Variants in MAP1B observed in about 807,000 individuals in gnomAD.
MAP1B encodes microtubule associated protein 1B, also known as microtubule-associated protein 1B.
Under a neutral mutation model 176.1 loss-of-function variants are expected in MAP1B, and 12 were observed. The ratio of observed to expected loss-of-function variants is 0.07; its 90% CI spans 0.04 to 0.11. MAP1B has a LOEUF of 0.11. Ranked by LOEUF, MAP1B falls within the 10% of genes least tolerant of loss-of-function variation. MAP1B has a pLI of 1.00. For synonymous variants in MAP1B, 1,044 were observed against 1,135.0 expected (o/e 0.92, Z 1.61); for missense variants, 2,523 against 2,990.5 (o/e 0.84, Z 3.65).
At chr5:72,160,172 C>G (rs575800661) in intron 2 of MAP1B, among the ~76,000 whole-genome samples, 8 of 147,776 alleles carry the variant, frequency 5.4e-5, no homozygotes, top group African/African-American at 2.0e-4. Flanking sequence ...TATTATGGAT[C>G]AGGGACCGAG....
At chr5:72,152,858 C>T (rs188833538) in intron 2 of MAP1B, among the ~76,000 whole-genome samples, 56 of 152,294 alleles carry the variant, frequency 3.7e-4, no homozygotes, top group African/African-American at 1.3e-3. Flanking sequence ...CATACAGTGG[C>T]TGCAGCGTGG....
intron 2 of MAP1B, among the ~76,000 whole-genome samples, chr5:72,176,314 G>A (rs547425384): frequency 2.0e-5 from 3 of 152,200 alleles, no homozygotes; most frequent in African/African-American, 7.2e-5. Flanking sequence ...TGGCATCACA[G>A]CTTGAAAATC....
intron 1 of MAP1B, among the ~76,000 whole-genome samples, chr5:72,108,343 CCAGA>C (rs924635985): frequency 6.6e-5 from 10 of 152,246 alleles, no homozygotes; most frequent in African/African-American, 1.9e-4. Context: ...CGCTTCGCCA[CCAGA>C]CAGAGCCCGC....
At chr5:72,147,125 C>T (rs1012376963) in intron 2 of MAP1B, among the ~76,000 whole-genome samples, 37 of 151,942 alleles carry the variant, frequency 2.4e-4, no homozygotes, top group African/African-American at 8.7e-4. Flanking sequence ...TGCGCCACCA[C>T]GACTGGCTAA....
At chr5:72,191,450 C>T (rs901022602) in intron 4 of MAP1B, among the ~76,000 whole-genome samples, 4 of 152,232 alleles carry the variant, frequency 2.6e-5, no homozygotes, top group Non-Finnish European at 5.9e-5. Flanking sequence ...TCTTAAGACC[C>T]TGTCTTTGCC....
intron 2 of MAP1B, among the ~76,000 whole-genome samples, chr5:72,162,329 C>T (rs1205172940): frequency 6.6e-6 from 1 of 151,984 alleles, no homozygotes; most frequent in Non-Finnish European, 1.5e-5. Flanking sequence ...CTTTTCATTC[C>T]CTCTGAGATA....
chr5:72,187,176 GTGTTTGAACTTGGGC>G (rs1282271986), intron 4 of MAP1B, among the ~76,000 whole-genome samples: 1 of 152,194 alleles, frequency 6.6e-6, no homozygotes, highest in Admixed American at 6.5e-5. Flanking sequence ...CCTGGCCCCA[GTGTTTGAACTTGGGC>G]TGTTTGAACA....
rs1373171978 is a variant in MAP1B at position 72,174,111 on chromosome 5, C to G, written c.287-9632C>G. On this transcript the variant is annotated intron_variant, in intron 2 of 6. Coordinates refer to ENST00000296755, the MANE Select transcript of MAP1B (RefSeq NM_005909.5). ...TACCACTGCACTCCAGCCTGGGTGA[C>G]AGAGCGAGAAACCTCGTCTCAAAAT... Among the ~76,000 whole-genome samples the G allele has an allele frequency of 2.6e-5, 4 of 152,314 alleles. No homozygotes were observed. In the East Asian group the frequency reaches 7.7e-4, roughly 29 times the overall value.
At chr5:72,145,588 T>A (rs1238717942) in intron 2 of MAP1B, among the ~76,000 whole-genome samples, 1 of 152,182 alleles carries the variant, frequency 6.6e-6, no homozygotes, top group Non-Finnish European at 1.5e-5. Context: ...ATCAGCAAGA[T>A]TTTGAAGGGG....
At position 72,195,769 on chromosome 5, in the gene MAP1B, C is replaced by T. The variant is rs747629556; in HGVS notation, c.2414C>T (p.Thr805Ile). 7 of 1,614,260 alleles carry T rather than the reference C, an allele frequency of 4.3e-6. No homozygotes were observed. Among genetic ancestry groups the T allele is most frequent in the Non-Finnish European group, 5.9e-6 (7 of 1,180,048 alleles). ...VAAAVGTGATTAAVMAAAGIA... is the reference protein window; with the variant it reads ...VAAAVGTGATIAAVMAAAGIA... Reference sequence around the variant, plus strand: ...GCAGCTGTCGGCACTGGAGCCACCACAGCAGCTGTCATGGCGGCAGCTGGA... The same window carrying T: ...GCAGCTGTCGGCACTGGAGCCACCATAGCAGCTGTCATGGCGGCAGCTGGA... Residue 805 changes from threonine (T) to isoleucine (I), a missense_variant, in exon 5 of 7, where the codon ACA (threonine) becomes ATA (isoleucine). Coordinates refer to ENST00000296755, the MANE Select transcript of MAP1B (RefSeq NM_005909.5).
chr5:72,163,620 G>A (rs1229287139), intron 2 of MAP1B, among the ~76,000 whole-genome samples: 2 of 152,178 alleles, frequency 1.3e-5, no homozygotes, highest in Non-Finnish European at 2.9e-5. Context: ...GATAAAGTAT[G>A]GATATAGGAA....
At chr5:72,151,272 C>A (rs901576419) in intron 2 of MAP1B, among the ~76,000 whole-genome samples, 1 of 152,168 alleles carries the variant, frequency 6.6e-6, no homozygotes, top group Non-Finnish European at 1.5e-5. Flanking sequence ...AAACTCACTT[C>A]ATGAGAACAG....
chr5:72,147,169 G>A (rs1043663531), intron 2 of MAP1B, among the ~76,000 whole-genome samples: 18 of 151,906 alleles, frequency 1.2e-4, no homozygotes, highest in African/African-American at 2.2e-4. Context: ...AGGTTTCACC[G>A]TGTTGGCTAG....
At chr5:72,154,503 C>T (rs918220406) in intron 2 of MAP1B, among the ~76,000 whole-genome samples, 1 of 152,184 alleles carries the variant, frequency 6.6e-6, no homozygotes, top group Non-Finnish European at 1.5e-5. Flanking sequence ...CAGGTGAGAG[C>T]CAGAACAAAG....
In MAP1B at chr5:72,186,234, G is replaced by A. The variant is rs761138994; in HGVS notation, c.370-380G>A. ...AGATAGTTCCGTCTTCCCTGGTTTC[G>A]CAGACCACGTGCTGCTAGCAGACAT... On this transcript the variant is annotated intron_variant, in intron 3 of 6. Transcript: ENST00000296755. The surrounding 1 kb of genome is among the most constrained non-coding windows in gnomAD (Gnocchi z 4.3). 7.2e-5 allele frequency among the ~76,000 whole-genome samples: 11 copies of A among 152,138 alleles called. No individual in the cohort carries two copies. Among genetic ancestry groups the A allele is most frequent in the Non-Finnish European group, 1.3e-4 (9 of 68,024 alleles).
Position 72,199,593 on chromosome 5 carries a change from G to A in MAP1B, c.6238G>A (p.Val2080Ile), listed in dbSNP as rs1043721343. The stretch of plus-strand genomic sequence containing the variant: ...GTCCCCCTCAGAAGCCCGTCAGGAT[G>A]TCGATTTATGCCTCGTGTCCTCTTG... Reference protein sequence around the residue: ...KKSPSEARQDVDLCLVSSCEY... With the variant: ...KKSPSEARQDIDLCLVSSCEY... Residue 2080 changes from valine (V) to isoleucine (I), a missense_variant, in exon 5 of 7, where the codon GTC becomes ATC. By Grantham distance (29) the Val-to-Ile change is conservative. This residue lies in a region of MAP1B where 1,925 missense variants were observed against 2,126.0 expected (regional missense o/e 0.91). Transcript: ENST00000296755. This position sits in a 1 kb window ranked among gnomAD's most constrained non-coding sequence, Gnocchi z 4.2. The A allele has an allele frequency of 6.2e-7, 1 of 1,614,180 alleles. No homozygotes were observed. Among genetic ancestry groups the A allele is most frequent in the Non-Finnish European group, 8.5e-7 (1 of 1,180,036 alleles).
At chr5:72,136,779 A>G (rs1427671572) in intron 2 of MAP1B, among the ~76,000 whole-genome samples, 1 of 152,172 alleles carries the variant, frequency 6.6e-6, no homozygotes, top group Admixed American at 6.6e-5. Context: ...CATTTTGACT[A>G]CTGACCCCAA....
At chr5:72,173,884 T>G (rs910512299) in intron 2 of MAP1B, among the ~76,000 whole-genome samples, 4 of 152,114 alleles carry the variant, frequency 2.6e-5, no homozygotes, top group African/African-American at 9.7e-5. Flanking sequence ...TCACAGTACT[T>G]TGGGAGGCCA....
At chr5:72,118,635 A>T (rs1234973197) in intron 2 of MAP1B, among the ~76,000 whole-genome samples, 1 of 151,934 alleles carries the variant, frequency 6.6e-6, no homozygotes, top group African/African-American at 2.4e-5. Flanking sequence ...AAACATAGAG[A>T]CGGGGTCTCA....
Sources: gnomAD v4.1 joint callset for allele counts (sites outside exome capture counted in the v4.1 genomes callset) on GRCh38, gnomAD v4.1.1 for gene constraint, gnomAD v4.1.1 regional missense constraint, Gnocchi (gnomAD v3.1) non-coding constraint, MANE v1.5 for transcripts, NCBI Gene and HGNC (gene_info 2026-07-23, HGNC 2026-07-21) for gene names.